Variants in RBM19 observed in about 807,000 individuals in gnomAD.
The protein encoded by RBM19 is RNA binding motif protein 19, also known as probable RNA-binding protein 19.
In RBM19, 94 loss-of-function variants were observed where a neutral mutation model predicts 116.8. The observed-to-expected ratio is 0.80, with a 90% CI of 0.68 to 0.95. The LOEUF is 0.95. RBM19 is among the 40% of genes least tolerant of loss of function. RBM19 has a pLI of 0.00. For synonymous variants in RBM19, 475 were observed against 494.1 expected (o/e 0.96, Z 0.51); for missense variants, 1,161 against 1,220.7 (o/e 0.95, Z 0.73).
At chr12:113,899,289 C>T (rs985786605) in intron 21 of RBM19, among the ~76,000 whole-genome samples, 2 of 152,304 alleles carry the variant, frequency 1.3e-5, no homozygotes, top group South Asian at 4.2e-4. Context: ...TGGCTCCTTA[C>T]GCAGCCCGAG....
chr12:113,896,740 G>C (rs16943354), intron 21 of RBM19, among the ~76,000 whole-genome samples: 2,531 of 152,230 alleles, frequency 0.017, 84 homozygotes, highest in African/African-American at 0.057. Context: ...TGAAATGTAC[G>C]AAGAGTCGAA....
At chr12:113,846,578 T>C (rs1028375251) in intron 22 of RBM19, among the ~76,000 whole-genome samples, 7 of 151,554 alleles carry the variant, frequency 4.6e-5, no homozygotes, top group African/African-American at 1.7e-4. Flanking sequence ...GGGTGATGAG[T>C]CTACAAACCA....
At chr12:113,876,813 T>TA (rs911149565) in intron 21 of RBM19, among the ~76,000 whole-genome samples, 4 of 151,822 alleles carry the variant, frequency 2.6e-5, no homozygotes, top group African/African-American at 9.7e-5. Context: ...AATAATACAA[T>TA]AAAAAATGTA....
chr12:113,868,088 A>G (rs1878965137), intron 21 of RBM19, among the ~76,000 whole-genome samples: 1 of 152,242 alleles, frequency 6.6e-6, no homozygotes, highest in African/African-American at 2.4e-5. Flanking sequence ...TGTGCTAAAT[A>G]TAGTCCATGT....
intron 16 of RBM19, among the ~76,000 whole-genome samples, chr12:113,933,539 G>A (rs1251370877): frequency 6.7e-6 from 1 of 148,684 alleles, no homozygotes; most frequent in African/African-American, 2.5e-5. Flanking sequence ...AGGCCCAGCG[G>A]CCGGGCTCTA....
In RBM19 at chr12:113,921,872, G is replaced by A. The variant is rs1045137916; in HGVS notation, c.2306-1182C>T. ...CTGACACTATGCAGATCCACTCTCC[G>A]CCACCATCCTCTATGGGAAACTGAC... On this transcript the variant is annotated intron_variant, in intron 18 of 23. Coordinates refer to ENST00000261741, the MANE Select transcript of RBM19 (RefSeq NM_016196.4). Among the ~76,000 whole-genome samples, 16 of 152,266 alleles carry A rather than the reference G, an allele frequency of 1.1e-4. No homozygotes were observed. In the South Asian group the frequency reaches 1.2e-3, roughly 12 times the overall value.
chr12:113,959,691 T>C (rs796533014), intron 4 of RBM19, among the ~76,000 whole-genome samples, 174 bp downstream of exon 4: 1 of 142,400 alleles, frequency 7.0e-6, no homozygotes, highest in African/African-American at 2.6e-5. Flanking sequence ...CTCCAGCCTC[T>C]TCCCTCTCCC....
intron 21 of RBM19, among the ~76,000 whole-genome samples, chr12:113,874,617 C>G (rs1420537113): frequency 6.6e-6 from 1 of 152,252 alleles, no homozygotes; most frequent in Non-Finnish European, 1.5e-5. Context: ...AGCCCTTGAA[C>G]TCAGTCCTTA....
At chr12:113,950,942 T>G (rs1371703168) in intron 8 of RBM19, among the ~76,000 whole-genome samples, 1 of 152,064 alleles carries the variant, frequency 6.6e-6, no homozygotes, top group Non-Finnish European at 1.5e-5. Flanking sequence ...GATCCTCCCT[T>G]AGACGATGGC....
chr12:113,851,439 G>T (rs1461975293), intron 22 of RBM19, among the ~76,000 whole-genome samples: 2 of 152,228 alleles, frequency 1.3e-5, no homozygotes, highest in African/African-American at 4.8e-5. Context: ...GGAGAGGAAA[G>T]AGAGCCACTA....
chr12:113,859,238 C>T (rs577835798), intron 21 of RBM19, among the ~76,000 whole-genome samples: 1 of 152,286 alleles, frequency 6.6e-6, no homozygotes, highest in African/African-American at 2.4e-5. Flanking sequence ...CACAAGCAGC[C>T]AGGCTCCGGT....
At position 113,924,679 on chromosome 12, in the gene RBM19, G is replaced by A. The variant is rs1868895815; in HGVS notation, c.2305+18C>T. On this transcript the variant is annotated intron_variant, in intron 18 of 23. Transcript: ENST00000261741. ...TCCGGCTGAATACTGAACACTTTCC[G>A]AATTTCATGCGGAATACCTGCTTTG... The A allele has an allele frequency of 6.5e-7, 1 of 1,530,586 alleles. No individual in the cohort carries two copies. Among genetic ancestry groups the A allele is most frequent in the Non-Finnish European group, 9.1e-7 (1 of 1,104,104 alleles). 94.8% of individuals were successfully genotyped at this position (1,530,586 alleles called of 1,614,324 possible). A position where few individuals can be genotyped will look rare whatever the true frequency, so the allele number is the denominator to read the frequency against.
rs544770092 is a variant in RBM19 at position 113,849,328 on chromosome 12, T to C, written c.2665-4540A>G. Among the ~76,000 whole-genome samples, 374 of 152,368 alleles carry C rather than the reference T, an allele frequency of 2.5e-3. 3 individuals carry two copies. The highest frequency in any genetic ancestry group is 0.01 in the Middle Eastern group (3 of 294). On this transcript the variant is annotated intron_variant, in intron 22 of 23. Coordinates refer to ENST00000261741, the MANE Select transcript of RBM19 (RefSeq NM_016196.4). ...CAGTCAATGTTCACAAAGCACACTG[T>C]GGCGTCTCCTTCACTGGGTGTCTTG...
chr12:113,841,397 C>T (rs553791187), intron 23 of RBM19, among the ~76,000 whole-genome samples: 14 of 151,482 alleles, frequency 9.2e-5, no homozygotes, highest in Non-Finnish European at 1.6e-4. Context: ...GGTTTAGTGA[C>T]GGCCTGGGAC....
At chr12:113,893,272 A>C (rs908478646) in intron 21 of RBM19, among the ~76,000 whole-genome samples, 2 of 151,928 alleles carry the variant, frequency 1.3e-5, no homozygotes, top group Non-Finnish European at 2.9e-5. Context: ...CAGCCTCCCA[A>C]AGTTCTGGGA....
chr12:113,874,790 T>C (rs1879539456), intron 21 of RBM19, among the ~76,000 whole-genome samples: 1 of 152,190 alleles, frequency 6.6e-6, no homozygotes, highest in Non-Finnish European at 1.5e-5. Flanking sequence ...CCCATGATGT[T>C]GGAAAGCCCA....
At chr12:113,919,361 G>A in intron 19 of RBM19, among the ~76,000 whole-genome samples, 1 of 152,202 alleles carries the variant, frequency 6.6e-6, no homozygotes, top group East Asian at 1.9e-4. Context: ...CACGGGGTCA[G>A]GAGATCGAGA....
chr12:113,875,817 G>A (rs564118322), intron 21 of RBM19, among the ~76,000 whole-genome samples: 3 of 152,150 alleles, frequency 2.0e-5, no homozygotes, highest in East Asian at 3.9e-4. Flanking sequence ...CTCTGGCGAC[G>A]CACAAAGCCC....
Position 113,962,223 on chromosome 12 carries a change from C to T in RBM19, c.219+9G>A. On this transcript the variant is annotated intron_variant, in intron 2 of 23. Coordinates refer to ENST00000261741, the MANE Select transcript of RBM19 (RefSeq NM_016196.4). ...CAGGAAGGTAAGGGTGAGACTCCTG[C>T]CCACTCACTGTGATCCGGGATGTGT... 1 of 1,613,846 alleles carries T rather than the reference C, an allele frequency of 6.2e-7. No homozygotes were observed. The highest frequency in any genetic ancestry group is 8.5e-7 in the Non-Finnish European group (1 of 1,179,684).
Sources: gnomAD v4.1 joint callset for allele counts (sites outside exome capture counted in the v4.1 genomes callset) on GRCh38, gnomAD v4.1.1 for gene constraint, MANE v1.5 for transcripts, NCBI Gene and HGNC (gene_info 2026-07-23, HGNC 2026-07-21) for gene names.